UBTD2: variants seen among roughly 807,000 people sequenced by gnomAD.
UBTD2 encodes ubiquitin domain containing 2, also known as ubiquitin domain-containing protein 2.
A neutral mutation model predicts 19.8 loss-of-function variants in UBTD2; 9 were observed. The observed-to-expected ratio is 0.46, with a 90% CI of 0.27 to 0.79. UBTD2 has a LOEUF of 0.79. Ranked by LOEUF, UBTD2 falls within the 30% of genes least tolerant of loss-of-function variation. The pLI is 0.14. For missense variants in UBTD2, 250 were observed against 300.4 expected (o/e 0.83, Z 1.24); for synonymous variants, 98 against 103.9 (o/e 0.94, Z 0.35).
chr5:172,222,632 T>C (rs1455027096), intron 2 of UBTD2, among the ~76,000 whole-genome samples: 1 of 152,158 alleles, frequency 6.6e-6, no homozygotes, highest in Non-Finnish European at 1.5e-5. Context: ...AATGGTGTGT[T>C]CTGGGCATGA....
At chr5:172,266,557 A>T (rs1031691811) in intron 1 of UBTD2, among the ~76,000 whole-genome samples, 2 of 152,134 alleles carry the variant, frequency 1.3e-5, no homozygotes, top group Admixed American at 1.3e-4. Context: ...GGTTAAACAT[A>T]AGTCTGTTCC....
chr5:172,254,500 C>A, intron 1 of UBTD2: 1 of 552,724 alleles, frequency 1.8e-6, no homozygotes, highest in Non-Finnish European at 3.3e-6. Context: ...CTTTTTAGTT[C>A]ATCAGACCGA....
Position 172,283,319 on chromosome 5 carries a change from G to A in UBTD2, c.70+277C>T, listed in dbSNP as rs1213615482. On this transcript the variant is annotated intron_variant, in intron 1 of 2. Coordinates refer to ENST00000393792, the MANE Select transcript of UBTD2 (RefSeq NM_152277.3). The surrounding 1 kb of genome is among the most constrained non-coding windows in gnomAD (Gnocchi z 4.3). Reference sequence around the variant, plus strand: ...GGAGAGGGAGTGAGGTGGCCAGAAGGGCAGCTTCGGGTCCGACTTCCCCGA... The same window carrying A: ...GGAGAGGGAGTGAGGTGGCCAGAAGAGCAGCTTCGGGTCCGACTTCCCCGA... 6.6e-6 allele frequency among the ~76,000 whole-genome samples: 1 copy of A among 152,088 alleles called. No individual in the cohort carries two copies. The highest frequency in any genetic ancestry group is 2.4e-5 in the African/African-American group (1 of 41,410).
At chr5:172,258,553 T>C (rs757391532) in intron 1 of UBTD2, among the ~76,000 whole-genome samples, 1 of 152,340 alleles carries the variant, frequency 6.6e-6, no homozygotes, top group South Asian at 2.1e-4. Context: ...AATCTGTAAA[T>C]TGCCTTGGGC....
At chr5:172,228,614 G>C (rs1156268951) in intron 2 of UBTD2, among the ~76,000 whole-genome samples, 1 of 151,864 alleles carries the variant, frequency 6.6e-6, no homozygotes, top group Non-Finnish European at 1.5e-5. Context: ...TCAGCTACTC[G>C]GGAGGCTGAG....
chr5:172,233,339 T>C (rs1381559251), intron 2 of UBTD2, among the ~76,000 whole-genome samples: 2 of 151,968 alleles, frequency 1.3e-5, no homozygotes, highest in East Asian at 3.9e-4. Flanking sequence ...AAATATTAAG[T>C]TGAAAAACTA....
intron 1 of UBTD2, among the ~76,000 whole-genome samples, chr5:172,259,908 C>T (rs780871675): frequency 6.6e-6 from 1 of 151,986 alleles, no homozygotes; most frequent in Non-Finnish European, 1.5e-5. Context: ...CAAAAATTAG[C>T]TGAGCATGAT....
chr5:172,218,552 G>A (rs1204724924), intron 2 of UBTD2, among the ~76,000 whole-genome samples: 1 of 152,008 alleles, frequency 6.6e-6, no homozygotes, highest in Admixed American at 6.5e-5. Flanking sequence ...GAAGGCCAAG[G>A]CAGGTAGATT....
At chr5:172,280,293 A>C (rs1481951508) in intron 1 of UBTD2, among the ~76,000 whole-genome samples, 1 of 151,916 alleles carries the variant, frequency 6.6e-6, no homozygotes, top group Non-Finnish European at 1.5e-5. Context: ...GATTACTTAA[A>C]GGTCAGGAGT....
rs150666406 is a variant in UBTD2, at chr5:172,280,796, T to C, written c.70+2800A>G. Among the ~76,000 whole-genome samples, 660 of 152,318 alleles carry C rather than the reference T, an allele frequency of 4.3e-3. 4 individuals carry two copies. The highest frequency in any genetic ancestry group is 0.015 in the African/African-American group (639 of 41,566). ...ACAATAGATAATGCAAAGCTTATAATGTGAATTAAGCCACTTCCATATTCT... is the reference window on the plus strand; with the variant it reads ...ACAATAGATAATGCAAAGCTTATAACGTGAATTAAGCCACTTCCATATTCT... On this transcript the variant is annotated intron_variant, in intron 1 of 2. Transcript: ENST00000393792.
At chr5:172,220,317 C>T (rs1221528731) in intron 2 of UBTD2, among the ~76,000 whole-genome samples, 2 of 152,184 alleles carry the variant, frequency 1.3e-5, no homozygotes, top group African/African-American at 4.8e-5. Context: ...GGAACTTCCT[C>T]AACTTGATAA....
At chr5:172,235,487 T>C (rs1771988875) in intron 1 of UBTD2, among the ~76,000 whole-genome samples, 1 of 152,166 alleles carries the variant, frequency 6.6e-6, no homozygotes, top group Non-Finnish European at 1.5e-5. Context: ...TTTGAGGAAC[T>C]GGGAGTAAAA....
intron 2 of UBTD2, among the ~76,000 whole-genome samples, chr5:172,230,785 A>AT (rs11332821): frequency 1.7e-3 from 249 of 143,234 alleles, no homozygotes; most frequent in Non-Finnish European, 2.6e-3. Context: ...TTTTTTCCTT[A>AT]TTTTTTTTTT....
intron 1 of UBTD2, among the ~76,000 whole-genome samples, chr5:172,267,715 G>A (rs905483420): frequency 6.6e-6 from 1 of 152,100 alleles, no homozygotes; most frequent in Non-Finnish European, 1.5e-5. Flanking sequence ...GGACTTTACT[G>A]ATTCCACACC....
Position 172,257,671 on chromosome 5 carries a change from T to C in UBTD2, c.71-23313A>G, listed in dbSNP as rs540387477. ...GACTTTTTAACAACAGTCATCCTGA[T>C]TGGTGTGATAGTATCTCATTCTGGT... On this transcript the variant is annotated intron_variant, in intron 1 of 2. Transcript: ENST00000393792. 1.1e-4 allele frequency among the ~76,000 whole-genome samples: 16 copies of C among 152,332 alleles called. No individual in the cohort carries two copies. The South Asian group carries it at 2.7e-3, about 26-fold the overall frequency.
At chr5:172,279,780 G>A (rs1330941164) in intron 1 of UBTD2, among the ~76,000 whole-genome samples, 1 of 152,186 alleles carries the variant, frequency 6.6e-6, no homozygotes, top group Non-Finnish European at 1.5e-5. Flanking sequence ...GGCTTGTCTA[G>A]AGGTCCTAAA....
At chr5:172,278,279 A>AT (rs1157961613) in intron 1 of UBTD2, among the ~76,000 whole-genome samples, 1 of 152,182 alleles carries the variant, frequency 6.6e-6, no homozygotes, top group Non-Finnish European at 1.5e-5. Flanking sequence ...AGATGAATGG[A>AT]TAAAAAAAAA....
chr5:172,272,817 AC>A (rs1723329490), intron 1 of UBTD2, among the ~76,000 whole-genome samples: 1 of 152,216 alleles, frequency 6.6e-6, no homozygotes, highest in African/African-American at 2.4e-5. Context: ...GCGGTCGCTC[AC>A]GCCTGTAATC....
chr5:172,273,505 C>T (rs1755540223), intron 1 of UBTD2, among the ~76,000 whole-genome samples: 5 of 147,390 alleles, frequency 3.4e-5, no homozygotes. Context: ...GCAGGAGAAT[C>T]GCTTGAACCT....
Sources: allele counts gnomAD v4.1 joint callset (sites outside exome capture counted in the v4.1 genomes callset), GRCh38; gene constraint gnomAD v4.1.1; non-coding constraint Gnocchi (gnomAD v3.1); transcripts MANE v1.5; gene names NCBI Gene and HGNC (gene_info 2026-07-23, HGNC 2026-07-21).